The following FNBP1 variants were observed in gnomAD, a reference collection of about 807,000 sequenced individuals.
The protein encoded by FNBP1 is formin-binding protein 1.
In FNBP1, 26 loss-of-function variants were observed where a neutral mutation model predicts 90.6. That is an observed-to-expected ratio of 0.29 (90% CI 0.21 to 0.40). The LOEUF is 0.40. Among genes scored for constraint, FNBP1 ranks in the 10% least tolerant of loss-of-function variants. The pLI is 1.00. For missense variants in FNBP1, 635 were observed against 768.0 expected (o/e 0.83, Z 2.05); for synonymous variants, 260 against 265.2 (o/e 0.98, Z 0.19).
intron 1 of FNBP1, among the ~76,000 whole-genome samples, chr9:130,026,922 C>T (rs2058395199): frequency 6.7e-6 from 1 of 149,504 alleles, no homozygotes; most frequent in African/African-American, 2.5e-5. Flanking sequence ...GCCAAGACTG[C>T]ACCACTGCAC....
At chr9:129,894,936 T>C (rs2035489151) in intron 16 of FNBP1, among the ~76,000 whole-genome samples, 1 of 152,232 alleles carries the variant, frequency 6.6e-6, no homozygotes, top group South Asian at 2.1e-4. Context: ...TGCACACCTG[T>C]AATCCCAGCT....
At position 129,999,552 on chromosome 9, in the gene FNBP1, C is replaced by T. The variant is rs1448973471; in HGVS notation, c.25-4594G>A. Among the ~76,000 whole-genome samples, 9 of 151,280 alleles carry T rather than the reference C, an allele frequency of 5.9e-5. 1 individual carries two copies. The highest frequency in any genetic ancestry group is 4.2e-4 in the South Asian group (2 of 4,784). On this transcript the variant is annotated intron_variant, in intron 1 of 16. Coordinates refer to ENST00000446176, the MANE Select transcript of FNBP1 (RefSeq NM_015033.3). ...GGGAGAGGTTGCAGTGAGTGGAAAT[C>T]GCACCACTGCACTCCAGCCTGGGGC...
intron 6 of FNBP1, among the ~76,000 whole-genome samples, chr9:129,931,920 A>G (rs1431751467): frequency 1.3e-5 from 2 of 152,076 alleles, no homozygotes; most frequent in African/African-American, 4.8e-5. Context: ...AAGGGAAGAA[A>G]GAACGAAAGA....
In FNBP1 at chr9:129,925,068, G is replaced by A. The variant is rs760122576; in HGVS notation, c.879C>T (p.Arg293=). 1 of 1,613,894 alleles carries A rather than the reference G, an allele frequency of 6.2e-7. No individual in the cohort carries two copies. The highest frequency in any genetic ancestry group is 8.5e-7 in the Non-Finnish European group (1 of 1,179,814). Residue 293 remains arginine, a synonymous_variant, in exon 9 of 17, where the codon CGC becomes CGT. Coordinates refer to ENST00000446176, the MANE Select transcript of FNBP1 (RefSeq NM_015033.3). ...EFEDYTQPMK[R]TVSDNSLSNS... is the part of the protein sequence containing the mutation. ...TTGAAAGGCTGTTATCTGACACAGT[G>A]CGCTTCATTGGCTGAGTGTAATCCT... is the stretch of plus-strand genomic sequence containing the variant.
chr9:129,909,297 G>T (rs1041435041), intron 11 of FNBP1, among the ~76,000 whole-genome samples: 2 of 152,210 alleles, frequency 1.3e-5, no homozygotes, highest in Admixed American at 6.5e-5. Flanking sequence ...GAGAATCCAT[G>T]AAAAACACAT....
chr9:130,007,287 T>C (rs865890494), intron 1 of FNBP1, among the ~76,000 whole-genome samples: 3 of 120,332 alleles, frequency 2.5e-5, no homozygotes, highest in Non-Finnish European at 3.6e-5. Context: ...GAAAGACACA[T>C]AGAGTACAAA....
intron 1 of FNBP1, among the ~76,000 whole-genome samples, chr9:130,016,915 G>A (rs2057297382): frequency 6.6e-6 from 1 of 152,112 alleles, no homozygotes; most frequent in South Asian, 2.1e-4. Context: ...GGATGTAACT[G>A]TGAACAGAAG....
intron 2 of FNBP1, among the ~76,000 whole-genome samples, chr9:129,989,280 G>A (rs1319898062): frequency 6.6e-6 from 1 of 152,144 alleles, no homozygotes; most frequent in Non-Finnish European, 1.5e-5. Context: ...TGAAAGGTGA[G>A]CACTCCAGGT....
intron 6 of FNBP1, among the ~76,000 whole-genome samples, chr9:129,953,494 A>ACAAT (rs1554811669): frequency 3.9e-5 from 6 of 151,936 alleles, no homozygotes; most frequent in African/African-American, 1.4e-4. Flanking sequence ...CGTCTCAGAA[A>ACAAT]AAATAAATAA....
the FNBP1 span, among the ~76,000 whole-genome samples, chr9:130,049,930 G>A: frequency 1.3e-5 from 2 of 152,000 alleles, no homozygotes; most frequent in East Asian, 1.9e-4. Flanking sequence ...AGACTGGAGT[G>A]CAGTGGCATG....
chr9:130,003,949 C>A (rs2055270679), intron 1 of FNBP1, among the ~76,000 whole-genome samples: 1 of 147,966 alleles, frequency 6.8e-6, no homozygotes, highest in Non-Finnish European at 1.5e-5. Context: ...TCTTCTGTAA[C>A]CTATTTTTTG....
the FNBP1 span, among the ~76,000 whole-genome samples, chr9:130,052,799 C>A: frequency 6.6e-6 from 1 of 151,950 alleles, no homozygotes; most frequent in Non-Finnish European, 1.5e-5. Flanking sequence ...AAAGATGCCA[C>A]TTAACTTTAA....
chr9:129,946,999 C>T (rs2045395927), intron 6 of FNBP1, among the ~76,000 whole-genome samples: 1 of 152,182 alleles, frequency 6.6e-6, no homozygotes, highest in Non-Finnish European at 1.5e-5. Flanking sequence ...TTAGGTGTAG[C>T]CTCTCATCCA....
At chr9:129,935,330 A>G (rs752725973) in intron 6 of FNBP1, among the ~76,000 whole-genome samples, 126 of 152,050 alleles carry the variant, frequency 8.3e-4, no homozygotes, top group Admixed American at 2.0e-3. Context: ...TAATATTTCA[A>G]AATATTAAGG....
At chr9:129,939,403 A>AG (rs2043992237) in intron 6 of FNBP1, among the ~76,000 whole-genome samples, 2 of 152,002 alleles carry the variant, frequency 1.3e-5, no homozygotes, top group South Asian at 4.2e-4. Flanking sequence ...AAATAAAAAA[A>AG]TCTTGCATAT....
intron 2 of FNBP1, among the ~76,000 whole-genome samples, chr9:129,983,586 C>T (rs533433545): frequency 7.5e-4 from 114 of 152,132 alleles, no homozygotes; most frequent in African/African-American, 2.6e-3. Flanking sequence ...TTTGGGAGGC[C>T]GAGGCAGGTG....
rs368172847 is a variant in FNBP1, at chr9:129,987,827, G to A, written c.140+7016C>T. ...AAGAGTTTAATATTTAAAGCTTAGC[G>A]CATCCCTCAGTTTCACTTTACTGTC... On this transcript the variant is annotated intron_variant, in intron 2 of 16. Transcript: ENST00000446176. 1.6e-3 allele frequency among the ~76,000 whole-genome samples: 242 copies of A among 152,000 alleles called. 2 individuals are homozygous for A. The highest frequency in any genetic ancestry group is 5.1e-3 in the African/African-American group (210 of 41,398).
intron 1 of FNBP1, among the ~76,000 whole-genome samples, chr9:130,014,811 A>G (rs1171326283): frequency 6.6e-6 from 1 of 152,030 alleles, no homozygotes; most frequent in Non-Finnish European, 1.5e-5. Flanking sequence ...AGAAAAAGCT[A>G]TTACATAAAG....
the FNBP1 span, among the ~76,000 whole-genome samples, chr9:130,048,841 C>T: frequency 1.9e-4 from 28 of 147,902 alleles, no homozygotes; most frequent in African/African-American, 6.5e-4. Context: ...AGTGCAGTGG[C>T]GCCATCTCCG....
Sources: allele counts gnomAD v4.1 joint callset (sites outside exome capture counted in the v4.1 genomes callset), GRCh38; gene constraint gnomAD v4.1.1; transcripts MANE v1.5; gene names NCBI Gene and HGNC (gene_info 2026-07-23, HGNC 2026-07-21).